The following ZSWIM5 variants were observed in gnomAD, a reference collection of about 807,000 sequenced individuals.
ZSWIM5 encodes the protein zinc finger SWIM-type containing 5, also known as zinc finger SWIM domain-containing protein 5.
In ZSWIM5, 55 loss-of-function variants were observed where a neutral mutation model predicts 119.6. That is an observed-to-expected ratio of 0.46 (90% CI 0.37 to 0.58). ZSWIM5 has a LOEUF of 0.58. ZSWIM5 is among the 20% of genes least tolerant of loss of function. The pLI, the probability that ZSWIM5 is intolerant of heterozygous loss-of-function variation, is 0.00. For missense variants in ZSWIM5, 1,193 were observed against 1,512.8 expected, an observed-to-expected ratio of 0.79 and a Z score of 3.51; for synonymous variants, 537 against 606.9, an observed-to-expected ratio of 0.88 and a Z score of 1.69.
intron 1 of ZSWIM5, among the ~76,000 whole-genome samples, chr1:45,092,544 C>CT (rs1177883000): frequency 1.0e-5 from 1 of 98,020 alleles, no homozygotes; most frequent in African/African-American, 3.7e-5. Flanking sequence ...ATCCACCCCC[C>CT]CCCCCCCGCC....
chr1:45,173,486 G>GT (rs1252485246), intron 1 of ZSWIM5, among the ~76,000 whole-genome samples: 2 of 151,994 alleles, frequency 1.3e-5, no homozygotes, highest in Non-Finnish European at 2.9e-5. Context: ...ATTTAACTGA[G>GT]TTTTTTTCAT....
At chr1:45,162,496 G>C (rs1645869749) in intron 1 of ZSWIM5, among the ~76,000 whole-genome samples, 1 of 152,354 alleles carries the variant, frequency 6.6e-6, no homozygotes, top group South Asian at 2.1e-4. Flanking sequence ...GCAGCCCATG[G>C]ACCATAAGCC....
intron 1 of ZSWIM5, among the ~76,000 whole-genome samples, chr1:45,139,176 C>T (rs560310972): frequency 6.6e-6 from 1 of 151,678 alleles, no homozygotes; most frequent in Admixed American, 6.6e-5. Flanking sequence ...GCCACCACAC[C>T]GGCCCTTTTT....
In ZSWIM5 at chr1:45,040,525, T is replaced by A; in HGVS notation, c.1623A>T (p.Thr541=). 6.2e-7 allele frequency: 1 copy of A among 1,602,818 alleles called. No individual in the cohort carries two copies. The highest frequency in any genetic ancestry group is 8.5e-7 in the Non-Finnish European group (1 of 1,175,902). ...GCAGGGCGTCAACTCGAGCACAGGCTGTAGGCACATGCTCTACCAAGTAAG... is the reference window on the plus strand; with the variant it reads ...GCAGGGCGTCAACTCGAGCACAGGCAGTAGGCACATGCTCTACCAAGTAAG... ...GQPLWLEHVP[T]ACARVDALRS... is the part of the protein sequence containing the mutation. Residue 541 remains threonine (T), a synonymous_variant, in exon 7 of 14, where the codon ACA becomes ACT. Coordinates refer to ENST00000359600, the MANE Select transcript of ZSWIM5 (RefSeq NM_020883.2).
chr1:45,169,762 A>G (rs1223078322), intron 1 of ZSWIM5, among the ~76,000 whole-genome samples: 1 of 152,150 alleles, frequency 6.6e-6, no homozygotes, highest in East Asian at 1.9e-4. Context: ...CAAATAAATA[A>G]GAAAACTTCT....
intron 1 of ZSWIM5, among the ~76,000 whole-genome samples, chr1:45,178,664 T>C (rs1645995695): frequency 6.6e-6 from 1 of 152,166 alleles, no homozygotes. Flanking sequence ...TTATATTAGA[T>C]TTTGCATTTT....
chr1:45,200,437 AATT>A (rs1275619551), intron 1 of ZSWIM5, among the ~76,000 whole-genome samples: 2 of 152,206 alleles, frequency 1.3e-5, no homozygotes, highest in African/African-American at 2.4e-5. Flanking sequence ...ATCTGGAATA[AATT>A]ATTATCTATT....
At chr1:45,045,313 G>C (rs1367284496) in intron 5 of ZSWIM5, among the ~76,000 whole-genome samples, 1 of 152,132 alleles carries the variant, frequency 6.6e-6, no homozygotes, top group Non-Finnish European at 1.5e-5. Context: ...AAGAACTGAA[G>C]TATTATACTG....
chr1:45,184,852 C>G (rs1276201061), intron 1 of ZSWIM5, among the ~76,000 whole-genome samples: 2 of 151,838 alleles, frequency 1.3e-5, no homozygotes, highest in Non-Finnish European at 2.9e-5. Context: ...TCAATGCCAT[C>G]CCCATCAAGC....
At chr1:45,128,211 C>CTCTT (rs1441803836) in intron 1 of ZSWIM5, among the ~76,000 whole-genome samples, 1 of 152,054 alleles carries the variant, frequency 6.6e-6, no homozygotes, top group Non-Finnish European at 1.5e-5. Flanking sequence ...ACAGTCTACA[C>CTCTT]TCTTTCTTTC....
chr1:45,043,283 A>G lies in ZSWIM5; in HGVS notation c.1545T>C (p.Ala515=), dbSNP rs1645027625. The part of the protein sequence containing the change: ...QRIISSDVYT[A]PACQRESERL... ...TTTCACTTTCCCGCTGGCAGGCAGG[A>G]GCTGTATAAACATCACTGCTGATTA... Residue 515 remains alanine, a synonymous_variant, in exon 6 of 14, where the codon GCT becomes GCC. Coordinates refer to ENST00000359600, the MANE Select transcript of ZSWIM5 (RefSeq NM_020883.2). 6.2e-7 allele frequency: 1 copy of G among 1,614,050 alleles called. No individual in the cohort carries two copies. Among genetic ancestry groups the G allele is most frequent in the African/African-American group, 1.3e-5 (1 of 74,912 alleles).
At chr1:45,115,177 T>C (rs1185762956) in intron 1 of ZSWIM5, among the ~76,000 whole-genome samples, 1 of 152,010 alleles carries the variant, frequency 6.6e-6, no homozygotes, top group African/African-American at 2.4e-5. Flanking sequence ...CCAGACGGGG[T>C]GGCCGCCGGG....
chr1:45,113,604 A>C (rs1645530225), intron 1 of ZSWIM5, among the ~76,000 whole-genome samples: 1 of 152,238 alleles, frequency 6.6e-6, no homozygotes, highest in African/African-American at 2.4e-5. Context: ...GAGAAACTGG[A>C]ACAGAAGCAG....
rs1264004164 is a variant in ZSWIM5 at position 45,079,689 on chromosome 1, A to G, written c.952+8192T>C. Among the ~76,000 whole-genome samples, 4 of 152,180 alleles carry G rather than the reference A, an allele frequency of 2.6e-5. No homozygotes were observed. In the East Asian group the frequency reaches 7.7e-4, roughly 29 times the overall value. On this transcript the variant is annotated intron_variant, in intron 2 of 13. Transcript: ENST00000359600. ...CTTTCACTTTTCTCAAGTGGAAGGC[A>G]TCTTGCCCCATAGCCACCACAGCTG...
At chr1:45,111,622 T>G (rs1302815583) in intron 1 of ZSWIM5, among the ~76,000 whole-genome samples, 1 of 152,248 alleles carries the variant, frequency 6.6e-6, no homozygotes, top group African/African-American at 2.4e-5. Context: ...TTTCCTTGCC[T>G]TTCCAGCTTC....
rs1366936895 is a variant in ZSWIM5, at chr1:45,206,251, G to C, written c.100C>G (p.Arg34Gly). Reference sequence around the variant, plus strand: ...CCGCCGGCTGCCCCAGGCGAACCGCGAGGGTGATGAGCCTGCGGGCTGGGC... The same window carrying C: ...CCGCCGGCTGCCCCAGGCGAACCGCCAGGGTGATGAGCCTGCGGGCTGGGC... The part of the protein sequence containing the change: ...SWPSPQAHHP[R>G]GSPGAAGGGA... The change falls in exon 1 of 14, where the codon CGC becomes GGC. Residue 34 changes from arginine (R) to glycine (G), a missense_variant. Arg to Gly is a moderately radical substitution (Grantham distance 125, BLOSUM62 -2). Around this residue, in one of 2 missense-constraint regions of ZSWIM5, gnomAD observed 232 missense variants for 222.9 expected, o/e 1.04. Coordinates refer to ENST00000359600, the MANE Select transcript of ZSWIM5 (RefSeq NM_020883.2). The C allele has an allele frequency of 6.3e-7, 1 of 1,584,712 alleles. No individual in the cohort carries two copies. The highest frequency in any genetic ancestry group is 8.6e-7 in the Non-Finnish European group (1 of 1,166,858).
At chr1:45,144,813 A>G (rs1645751130) in intron 1 of ZSWIM5, among the ~76,000 whole-genome samples, 1 of 152,168 alleles carries the variant, frequency 6.6e-6, no homozygotes, top group Non-Finnish European at 1.5e-5. Flanking sequence ...AGAAACTGGT[A>G]AGTTGGATTT....
chr1:45,067,103 T>G (rs1243377404), intron 2 of ZSWIM5, among the ~76,000 whole-genome samples: 1 of 152,076 alleles, frequency 6.6e-6, no homozygotes, highest in Non-Finnish European at 1.5e-5. Context: ...ATTAAATAGT[T>G]GGATATAGAG....
At chr1:45,144,891 T>A (rs142051277) in intron 1 of ZSWIM5, among the ~76,000 whole-genome samples, 2 of 152,202 alleles carry the variant, frequency 1.3e-5, no homozygotes, top group East Asian at 3.9e-4. Flanking sequence ...AGCCACAGAC[T>A]GGGAGAAAAT....
Sources: allele counts gnomAD v4.1 joint callset (sites outside exome capture counted in the v4.1 genomes callset), GRCh38; gene constraint gnomAD v4.1.1; regional missense constraint gnomAD v4.1.1; transcripts MANE v1.5; gene names NCBI Gene and HGNC (gene_info 2026-07-23, HGNC 2026-07-21).